Variants in VCPIP1 observed in about 807,000 individuals in gnomAD.
The protein encoded by VCPIP1 is deubiquitinating protein VCPIP1.
In VCPIP1, 8 loss-of-function variants were observed where a neutral mutation model predicts 85.0. The observed-to-expected ratio is 0.09, with a 90% CI of 0.06 to 0.17. The LOEUF (loss-of-function observed/expected upper bound fraction) is 0.17. Ranked by LOEUF, VCPIP1 falls within the 10% of genes least tolerant of loss-of-function variation. The probability of loss-of-function intolerance (pLI) is 1.00; values close to 1 mark genes in which losing one functional copy is unlikely to be tolerated. For synonymous variants in VCPIP1, 543 were observed against 544.5 expected (o/e 1.00, Z 0.04); for missense variants, 1,070 against 1,486.3 (o/e 0.72, Z 4.61).
chr8:66,656,855 C>G (rs1811105150), intron 1 of VCPIP1, among the ~76,000 whole-genome samples: 1 of 145,828 alleles, frequency 6.9e-6, no homozygotes, highest in African/African-American at 2.8e-5. Flanking sequence ...GGCGATCCGC[C>G]CCCTCGGCCT....
rs1013843451 is a variant in VCPIP1, at chr8:66,634,241, T to C, written c.*260A>G. On this transcript the variant is annotated 3_prime_UTR_variant, in exon 3 of 3. Coordinates refer to ENST00000310421, the MANE Select transcript of VCPIP1 (RefSeq NM_025054.5). ...TCATGGAATTAAAATTACAAAGAAC[T>C]TCCAATGAACCACATATATGGAAGA... is the stretch of plus-strand genomic sequence containing the variant. 1 of 318,892 alleles carries C rather than the reference T, an allele frequency of 3.1e-6. No individual in the cohort carries two copies. Among genetic ancestry groups the C allele is most frequent in the East Asian group, 5.1e-5 (1 of 19,696 alleles). The allele number at this position is 318,892 out of a possible 1,614,324, so 19.8% of individuals were successfully genotyped here.
At position 66,665,258 on chromosome 8, in the gene VCPIP1, G is replaced by A. The variant is rs759825839; in HGVS notation, c.1701C>T (p.Ser567=). The A allele has an allele frequency of 6.2e-7, 1 of 1,614,116 alleles. No homozygotes were observed. The highest frequency in any genetic ancestry group is 8.5e-7 in the Non-Finnish European group (1 of 1,180,030). The change falls in exon 1 of 3, where the codon TCC becomes TCT. Residue 567 remains serine (S), a synonymous_variant. Transcript: ENST00000310421. The surrounding 1 kb of genome is among the most constrained non-coding windows in gnomAD (Gnocchi z 4.3). ...YLDGDRTNSR[S]TGGKCGCGFK... is the part of the protein sequence containing the mutation. ...ATCCACAACCACATTTGCCACCAGT[G>A]GACCTAGAATTAGTTCTGTCTCCAT...
In VCPIP1 at chr8:66,650,860, C is replaced by CAAAA. The variant is rs770736039; in HGVS notation, c.2797+594_2797+597dup. ...GGGGGACAAGAGCAAGACTTCGTCT[C>CAAAA]AAAAAAAAAAAAAAAAAAAAAAAAA... On this transcript the variant is annotated intron_variant, in intron 2 of 2. Coordinates refer to ENST00000310421, the MANE Select transcript of VCPIP1 (RefSeq NM_025054.5). Among the ~76,000 whole-genome samples the CAAAA allele has an allele frequency of 2.2e-3, 31 of 13,926 alleles. 2 individuals carry two copies. The highest frequency in any genetic ancestry group is 4.7e-3 in the East Asian group (2 of 430). 9.1% of individuals were successfully genotyped at this position (13,926 alleles called of 152,430 possible).
chr8:66,650,860 CAAAAAA>C (rs770736039), intron 2 of VCPIP1, among the ~76,000 whole-genome samples: 2 of 13,916 alleles, frequency 1.4e-4, no homozygotes, highest in Non-Finnish European at 2.9e-4. Context: ...GACTTCGTCT[CAAAAAA>C]AAAAAAAAAA....
Position 66,666,030 on chromosome 8 carries a change from C to A in VCPIP1, c.929G>T (p.Ser310Ile), listed in dbSNP as rs1811205521. The change falls in exon 1 of 3, where the codon AGT (serine) becomes ATT (isoleucine). Residue 310 changes from serine (S) to isoleucine (I), a missense_variant. Ser to Ile is a moderately radical substitution (Grantham distance 142). Transcript: ENST00000310421. This position sits in a 1 kb window ranked among gnomAD's most constrained non-coding sequence, Gnocchi z 6.3. ...HRPIILLDSL[S>I]GMRSSGDYSA... ...ATAATCACCAGAGCTTCTCATGCCA[C>A]TGAGGGAATCTAACAGAATAATAGG... 5.0e-6 allele frequency: 8 copies of A among 1,614,026 alleles called. No homozygotes were observed. Among genetic ancestry groups the A allele is most frequent in the Non-Finnish European group, 6.8e-6 (8 of 1,180,030 alleles).
At chr8:66,657,972 A>G (rs1455034295) in intron 1 of VCPIP1, among the ~76,000 whole-genome samples, 1 of 152,190 alleles carries the variant, frequency 6.6e-6, no homozygotes, top group Non-Finnish European at 1.5e-5. Context: ...ATTCAACTTT[A>G]TAACTGCTCT....
chr8:66,637,485 CAA>C (rs59405974), intron 2 of VCPIP1, among the ~76,000 whole-genome samples: 9,068 of 91,536 alleles, frequency 0.099, 558 homozygotes, highest in African/African-American at 0.2. Flanking sequence ...GACTCCATCT[CAA>C]AAAAAAAAAA....
At chr8:66,644,211 GAAGAA>G (rs1396351740) in intron 2 of VCPIP1, among the ~76,000 whole-genome samples, 2 of 152,058 alleles carry the variant, frequency 1.3e-5, no homozygotes, top group Non-Finnish European at 2.9e-5. Flanking sequence ...CCAAAAAACA[GAAGAA>G]AAGAGGAGGC....
chr8:66,647,212 G>C (rs1335590138), intron 2 of VCPIP1, among the ~76,000 whole-genome samples: 1 of 151,326 alleles, frequency 6.6e-6, no homozygotes, highest in Non-Finnish European at 1.5e-5. Context: ...GCGGTGGCAG[G>C]CGCCTGTAAT....
chr8:66,648,118 T>C (rs1042860994), intron 2 of VCPIP1, among the ~76,000 whole-genome samples: 2 of 152,052 alleles, frequency 1.3e-5, no homozygotes, highest in Admixed American at 6.6e-5. Context: ...TTTTAAAATG[T>C]GACACATCTA....
rs986948479 is a variant in VCPIP1, at chr8:66,667,145, C to G, written c.-187G>C. Reference sequence around the variant, plus strand: ...CGTTGTTTCTCTTCTTACTTCTCCACTGCCGTAGCCGTTGCCCCGAACGTA... The same window carrying G: ...CGTTGTTTCTCTTCTTACTTCTCCAGTGCCGTAGCCGTTGCCCCGAACGTA... On this transcript the variant is annotated 5_prime_UTR_variant, in exon 1 of 3. Transcript: ENST00000310421. 6.1e-5 allele frequency: 79 copies of G among 1,304,480 alleles called. No individual in the cohort carries two copies. Among genetic ancestry groups the G allele is most frequent in the Non-Finnish European group, 7.6e-5 (76 of 998,068 alleles). The allele number at this position is 1,304,480 out of a possible 1,614,324, so 80.8% of individuals were successfully genotyped here. A position where few individuals can be genotyped will look rare whatever the true frequency, so the allele number is the denominator to read the frequency against.
intron 2 of VCPIP1, among the ~76,000 whole-genome samples, chr8:66,650,456 T>C (rs1320506113): frequency 6.6e-6 from 1 of 152,096 alleles, no homozygotes; most frequent in East Asian, 1.9e-4. Flanking sequence ...ATAAAATCTT[T>C]GAAAAAAATG....
intron 2 of VCPIP1, among the ~76,000 whole-genome samples, chr8:66,649,361 A>C (rs956396835): frequency 2.0e-5 from 3 of 151,720 alleles, no homozygotes; most frequent in African/African-American, 7.3e-5. Flanking sequence ...AAATACAAAA[A>C]ATTAGCTGGG....
In VCPIP1 at chr8:66,665,383, G is replaced by A; in HGVS notation, c.1576C>T (p.Leu526=). The change falls in exon 1 of 3, where the codon CTG becomes TTG. Residue 526 remains leucine (L), a synonymous_variant. Transcript: ENST00000310421. This position sits in a 1 kb window ranked among gnomAD's most constrained non-coding sequence, Gnocchi z 4.3. The part of the protein sequence containing the change: ...VCSYDSVKDV[L]VPDYGMSNLT... ...TTACTCATTCCATAGTCTGGTACCAGAACATCTTTCACTGAATCATATGAG... is the reference window on the plus strand; with the variant it reads ...TTACTCATTCCATAGTCTGGTACCAAAACATCTTTCACTGAATCATATGAG... 6.2e-7 allele frequency: 1 copy of A among 1,614,200 alleles called. No homozygotes were observed. Among genetic ancestry groups the A allele is most frequent in the Non-Finnish European group, 8.5e-7 (1 of 1,180,040 alleles).
chr8:66,643,336 A>G (rs1349430697), intron 2 of VCPIP1, among the ~76,000 whole-genome samples: 1 of 151,618 alleles, frequency 6.6e-6, no homozygotes, highest in Non-Finnish European at 1.5e-5. Context: ...AAGAAAAAAA[A>G]AAGATGTTAA....
At position 66,667,206 on chromosome 8, in the gene VCPIP1, A is replaced by C; in HGVS notation, c.-248T>G. On this transcript the variant is annotated 5_prime_UTR_variant, in exon 1 of 3. Coordinates refer to ENST00000310421, the MANE Select transcript of VCPIP1 (RefSeq NM_025054.5). ...CCCCACCCCGCACTCACACTCACTC[A>C]CTCTCGCTCTCTCTCCCTCAGACAC... The C allele has an allele frequency of 1.4e-5, 9 of 660,440 alleles. No homozygotes were observed. Among genetic ancestry groups the C allele is most frequent in the Middle Eastern group, 4.5e-4 (1 of 2,242 alleles). The allele number at this position is 660,440 out of a possible 1,614,324, so 40.9% of individuals were successfully genotyped here.
chr8:66,644,378 A>G (rs1164074350), intron 2 of VCPIP1, among the ~76,000 whole-genome samples: 1 of 152,248 alleles, frequency 6.6e-6, no homozygotes, highest in Non-Finnish European at 1.5e-5. Flanking sequence ...TTCGTTCAAC[A>G]TTCAAAAAAA....
chr8:66,646,623 T>C (rs1045505229), intron 2 of VCPIP1, among the ~76,000 whole-genome samples: 23 of 151,904 alleles, frequency 1.5e-4, no homozygotes, highest in Non-Finnish European at 3.2e-4. Flanking sequence ...TAGTGAAACC[T>C]TGTCTCTACG....
Position 66,629,020 on chromosome 8 carries a change from G to C in VCPIP1, c.*5481C>G, listed in dbSNP as rs1810807453. ...AGTCAATTATGTACAAGTAAAATAA[G>C]TTTTAATGTAACAAATTATTTAAAT... is the stretch of plus-strand genomic sequence containing the variant. On this transcript the variant is annotated 3_prime_UTR_variant, in exon 3 of 3. Transcript: ENST00000310421. 1 of 152,116 alleles carries C rather than the reference G, an allele frequency of 6.6e-6. No individual in the cohort carries two copies. Among genetic ancestry groups the C allele is most frequent in the Non-Finnish European group, 1.5e-5 (1 of 68,016 alleles). 9.4% of individuals were successfully genotyped at this position (152,116 alleles called of 1,614,324 possible).
Sources: gnomAD v4.1 joint callset for allele counts (sites outside exome capture counted in the v4.1 genomes callset) on GRCh38, gnomAD v4.1.1 for gene constraint, Gnocchi (gnomAD v3.1) non-coding constraint, MANE v1.5 for transcripts, NCBI Gene and HGNC (gene_info 2026-07-23, HGNC 2026-07-21) for gene names.